The following SERPINB7 variants were observed in gnomAD, a reference collection of about 807,000 sequenced individuals.
SERPINB7 encodes serpin family B member 7.
SERPINB7 carries 31 observed loss-of-function variants against 37.4 expected under a neutral mutation model. That is an observed-to-expected ratio of 0.83 (90% CI 0.62 to 1.12). SERPINB7 has a LOEUF of 1.12. SERPINB7 is among the 50% of genes most tolerant of loss of function. SERPINB7 has a pLI of 0.00. For missense variants in SERPINB7, 521 were observed against 455.3 expected (o/e 1.14, Z -1.31); for synonymous variants, 163 against 166.1 (o/e 0.98, Z 0.14).
At chr18:63,765,086 G>GT (rs1175595073) in intron 1 of SERPINB7, among the ~76,000 whole-genome samples, 5 of 152,082 alleles carry the variant, frequency 3.3e-5, no homozygotes, top group Admixed American at 2.0e-4. Context: ...TGATTCCTTT[G>GT]TTTTTTCCTT....
intron 1 of SERPINB7, among the ~76,000 whole-genome samples, chr18:63,768,415 T>G (rs1228175994): frequency 2.0e-5 from 3 of 152,112 alleles, no homozygotes; most frequent in Non-Finnish European, 4.4e-5. Context: ...GATATCAGAA[T>G]TATTTACCTA....
intron 1 of SERPINB7, chr18:63,777,895 C>CACACACACACAA (rs1555693640): frequency 6.8e-6 from 1 of 148,026 alleles, no homozygotes; most frequent in Non-Finnish European, 1.5e-5. Context: ...CACACACACA[C>CACACACACACAA]ACACACACAC....
chr18:63,791,692 G>A (rs528571873), intron 2 of SERPINB7, among the ~76,000 whole-genome samples: 1 of 152,026 alleles, frequency 6.6e-6, no homozygotes, highest in East Asian at 1.9e-4. Context: ...CTCACTGCAA[G>A]CTCTACCTCC....
Position 63,756,031 on chromosome 18 carries a change from AATAT to A in SERPINB7, c.-19+2919_-19+2922del, listed in dbSNP as rs1018242416. On this transcript the variant is annotated intron_variant, in intron 1 of 7. Transcript: ENST00000336429. ...TAGTAACAATGTTCATTGATATATA[AATAT>A]ATATATACATCACTTACAGCATAAT... Among the ~76,000 whole-genome samples the A allele has an allele frequency of 1.3e-4, 19 of 151,890 alleles. No homozygotes were observed. In the South Asian group the frequency reaches 3.7e-3, roughly 30 times the overall value.
chr18:63,794,979 A>C (rs1379576098), intron 4 of SERPINB7, among the ~76,000 whole-genome samples: 1 of 152,210 alleles, frequency 6.6e-6, no homozygotes, highest in Non-Finnish European at 1.5e-5. Flanking sequence ...AATTCTGAAC[A>C]TCTTTCCACA....
intron 1 of SERPINB7, among the ~76,000 whole-genome samples, chr18:63,766,735 C>T (rs1024849430): frequency 6.6e-5 from 10 of 152,202 alleles, no homozygotes; most frequent in Admixed American, 4.6e-4. Flanking sequence ...ATGCTGATTG[C>T]TACCTTCCCA....
At chr18:63,785,887 T>C (rs1022998841) in intron 2 of SERPINB7, among the ~76,000 whole-genome samples, 1 of 139,860 alleles carries the variant, frequency 7.2e-6, no homozygotes, top group Non-Finnish European at 1.5e-5. Context: ...ATGCTTTATA[T>C]ATATATATAA....
chr18:63,804,747 T>C lies in SERPINB7; in HGVS notation c.*112T>C. On this transcript the variant is annotated 3_prime_UTR_variant, in exon 8 of 8. Transcript: ENST00000398019. ...TGGTGTTTCCTTTGAGTTTATTTCT[T>C]CCTAACATTGGTCAGCAGATGACAC... 1.0e-5 allele frequency: 12 copies of C among 1,155,866 alleles called. No homozygotes were observed. Among genetic ancestry groups the C allele is most frequent in the Non-Finnish European group, 1.5e-5 (12 of 825,858 alleles). 71.6% of individuals were successfully genotyped at this position (1,155,866 alleles called of 1,614,324 possible). A position where few individuals can be genotyped will look rare whatever the true frequency, so the allele number is the denominator to read the frequency against.
intron 2 of SERPINB7, among the ~76,000 whole-genome samples, chr18:63,787,823 A>G (rs1190478474): frequency 1.3e-5 from 2 of 152,352 alleles, no homozygotes; most frequent in East Asian, 3.9e-4. Flanking sequence ...GTCACAGTCC[A>G]CATAATGACA....
intron 1 of SERPINB7, 149 bp from the exon 2 acceptor site, chr18:63,782,206 C>A: frequency 2.3e-6 from 1 of 429,012 alleles, no homozygotes; most frequent in Non-Finnish European, 3.8e-6. Flanking sequence ...GCCAAGGGAA[C>A]TTTTCCCTTT....
chr18:63,804,464 A>T lies in SERPINB7; in HGVS notation c.972A>T (p.Lys324Asn). 6.2e-7 allele frequency: 1 copy of T among 1,613,784 alleles called. No individual in the cohort carries two copies. Among genetic ancestry groups the T allele is most frequent in the Middle Eastern group, 1.7e-4 (1 of 6,058 alleles). ...TGTATATATCAAGGATGATGCACAAATCTTACATAGAGGTCACTGAGGAGG... is the reference window on the plus strand; with the variant it reads ...TGTATATATCAAGGATGATGCACAATTCTTACATAGAGGTCACTGAGGAGG... The part of the protein sequence containing the change: ...GRLYISRMMH[K>N]SYIEVTEEGT... The change falls in exon 8 of 8, where the codon AAA (lysine) becomes AAT (asparagine). Residue 324 changes from lysine to asparagine, a missense_variant. By Grantham distance (94) the Lys-to-Asn change is moderately conservative (BLOSUM62 0). Transcript: ENST00000398019.
chr18:63,755,107 T>C (rs920866166), intron 1 of SERPINB7, among the ~76,000 whole-genome samples: 13 of 151,944 alleles, frequency 8.6e-5, no homozygotes, highest in African/African-American at 2.9e-4. Context: ...GGTTTCACCT[T>C]GTTAGCCAGG....
intron 1 of SERPINB7, among the ~76,000 whole-genome samples, chr18:63,754,292 G>A (rs1485818464): frequency 6.6e-6 from 1 of 152,154 alleles, no homozygotes; most frequent in African/African-American, 2.4e-5. Context: ...TAAATTTCAC[G>A]CCAAGGGAAT....
upstream of SERPINB7, among the ~76,000 whole-genome samples, chr18:63,772,642 C>G (rs1313809591): frequency 2.0e-5 from 3 of 152,072 alleles, no homozygotes; most frequent in Admixed American, 6.5e-5. Context: ...TAATTTGCTT[C>G]TAAAATTAGA....
chr18:63,802,465 T>A (rs1242790405), intron 7 of SERPINB7, among the ~76,000 whole-genome samples: 1 of 152,164 alleles, frequency 6.6e-6, no homozygotes, highest in Non-Finnish European at 1.5e-5. Flanking sequence ...TCCCAGGCCA[T>A]GTGCTCTGAG....
At chr18:63,783,629 T>C (rs1221508650) in intron 2 of SERPINB7, among the ~76,000 whole-genome samples, 1 of 152,196 alleles carries the variant, frequency 6.6e-6, no homozygotes, top group Non-Finnish European at 1.5e-5. Context: ...GAGCACTTTA[T>C]AGGGAAGTGG....
intron 1 of SERPINB7, among the ~76,000 whole-genome samples, chr18:63,766,350 G>C (rs1339775847): frequency 6.6e-6 from 1 of 152,076 alleles, no homozygotes; most frequent in Non-Finnish European, 1.5e-5. Flanking sequence ...AACATTCTTG[G>C]ATACAGTGTG....
At chr18:63,784,210 C>A (rs1207221083) in intron 2 of SERPINB7, among the ~76,000 whole-genome samples, 7 of 152,290 alleles carry the variant, frequency 4.6e-5, no homozygotes, top group Non-Finnish European at 8.8e-5. Flanking sequence ...GAGATTCAAA[C>A]TCAGGATGAT....
At chr18:63,780,748 T>C (rs1321672434) in intron 1 of SERPINB7, among the ~76,000 whole-genome samples, 2 of 152,198 alleles carry the variant, frequency 1.3e-5, no homozygotes, top group Non-Finnish European at 2.9e-5. Flanking sequence ...CTGAGGAGTA[T>C]GACTTATAAC....
Sources: allele counts gnomAD v4.1 joint callset (sites outside exome capture counted in the v4.1 genomes callset), GRCh38; gene constraint gnomAD v4.1.1; transcripts MANE v1.5; gene names NCBI Gene and HGNC (gene_info 2026-07-23, HGNC 2026-07-21).